Variants in OTUD7A observed in about 807,000 individuals in gnomAD.
The protein encoded by OTUD7A is OTU domain-containing protein 7A.
In OTUD7A, 12 loss-of-function variants were observed where a neutral mutation model predicts 65.7. The ratio of observed to expected loss-of-function variants is 0.18; its 90% confidence interval spans 0.12 to 0.30. The LOEUF (loss-of-function observed/expected upper bound fraction) is 0.30, where lower values mean the gene tolerates loss of function less well. Among genes scored for constraint, OTUD7A ranks in the 10% least tolerant of loss-of-function variants. OTUD7A has a pLI of 1.00. For missense variants in OTUD7A, 1,148 were observed against 1,304.8 expected (o/e 0.88, Z 1.85); for synonymous variants, 641 against 586.3 (o/e 1.09, Z -1.35).
chr15:31,562,283 A>G (rs1003489925), intron 4 of OTUD7A, among the ~76,000 whole-genome samples: 1 of 152,176 alleles, frequency 6.6e-6, no homozygotes, highest in Non-Finnish European at 1.5e-5. Flanking sequence ...TCCAGAATCT[A>G]CACTCCTGAC....
At chr15:31,828,595 T>A (rs545133406) in intron 1 of OTUD7A, among the ~76,000 whole-genome samples, 1 of 152,332 alleles carries the variant, frequency 6.6e-6, no homozygotes, top group Non-Finnish European at 1.5e-5. Context: ...GCCTTAGTCA[T>A]CTTTGAGATC....
At chr15:31,546,068 G>T (rs959521690) in intron 5 of OTUD7A, among the ~76,000 whole-genome samples, 1 of 152,156 alleles carries the variant, frequency 6.6e-6, no homozygotes, top group African/African-American at 2.4e-5. Context: ...ATCTAGAGAT[G>T]ATTTAAAATA....
chr15:31,767,238 C>T (rs1377353196), intron 1 of OTUD7A: 2 of 916,478 alleles, frequency 2.2e-6, no homozygotes, highest in East Asian at 4.8e-5. Flanking sequence ...ATGTATCCCA[C>T]TGGATCTATC....
At chr15:31,663,902 A>G (rs371605800) in intron 1 of OTUD7A, among the ~76,000 whole-genome samples, 4 of 152,052 alleles carry the variant, frequency 2.6e-5, no homozygotes, top group Admixed American at 6.6e-5. Flanking sequence ...TAGCTCCCAC[A>G]TATCAGTGAG....
At chr15:31,815,721 T>C (rs886086025) in intron 1 of OTUD7A, among the ~76,000 whole-genome samples, 9 of 152,232 alleles carry the variant, frequency 5.9e-5, no homozygotes, top group African/African-American at 2.2e-4. Context: ...CCACGGGCCA[T>C]CTTCCTACCC....
intron 5 of OTUD7A, among the ~76,000 whole-genome samples, chr15:31,552,111 C>G (rs1254519305): frequency 2.0e-5 from 3 of 152,134 alleles, no homozygotes; most frequent in Non-Finnish European, 4.4e-5. Flanking sequence ...TAAAAAGAGT[C>G]TGGCACCTCC....
At chr15:31,777,033 T>A (rs1396938775) in intron 1 of OTUD7A, among the ~76,000 whole-genome samples, 2 of 151,772 alleles carry the variant, frequency 1.3e-5, no homozygotes, top group Non-Finnish European at 2.9e-5. Context: ...CCTAGCTCAG[T>A]GCATTTGGAC....
At chr15:31,863,871 T>G (rs993583001) in intron 1 of OTUD7A, among the ~76,000 whole-genome samples, 1 of 152,234 alleles carries the variant, frequency 6.6e-6, no homozygotes, top group Non-Finnish European at 1.5e-5. Flanking sequence ...CTGCAAATTT[T>G]CTGAACTTTT....
At chr15:31,565,919 A>G (rs779462768) in intron 4 of OTUD7A, among the ~76,000 whole-genome samples, 6 of 152,206 alleles carry the variant, frequency 3.9e-5, no homozygotes, top group African/African-American at 7.2e-5. Flanking sequence ...CAGGCCGGGC[A>G]CGGTGGCTCA....
intron 4 of OTUD7A, among the ~76,000 whole-genome samples, chr15:31,562,262 G>A (rs559343665): frequency 3.3e-5 from 5 of 151,512 alleles, no homozygotes; most frequent in Admixed American, 1.3e-4. Flanking sequence ...TCTCCTATGC[G>A]GAGCAGCCAA....
chr15:31,525,235 AG>A (rs1002904501), intron 8 of OTUD7A, among the ~76,000 whole-genome samples: 5 of 152,212 alleles, frequency 3.3e-5, no homozygotes, highest in Non-Finnish European at 7.3e-5. Flanking sequence ...AGGCGTGCAG[AG>A]GAAGAGAGCA....
chr15:31,861,416 T>C (rs762106441), intron 1 of OTUD7A, among the ~76,000 whole-genome samples: 7 of 152,186 alleles, frequency 4.6e-5, no homozygotes, highest in Non-Finnish European at 7.4e-5. Flanking sequence ...ATCCACTCCT[T>C]TTCTAGGCCC....
intron 1 of OTUD7A, among the ~76,000 whole-genome samples, chr15:31,734,255 T>C (rs537684924): frequency 6.6e-5 from 10 of 151,976 alleles, no homozygotes; most frequent in Non-Finnish European, 1.3e-4. Flanking sequence ...AAATCAGAAG[T>C]GACACAAACA....
intron 3 of OTUD7A, among the ~76,000 whole-genome samples, chr15:31,570,751 C>T (rs946594410): frequency 6.6e-6 from 1 of 152,150 alleles, no homozygotes; most frequent in Non-Finnish European, 1.5e-5. Flanking sequence ...TGATGCCAGG[C>T]TGGGCAGGTG....
At chr15:31,581,872 G>A (rs536317377) in intron 3 of OTUD7A, among the ~76,000 whole-genome samples, 30 of 152,204 alleles carry the variant, frequency 2.0e-4, no homozygotes, top group Non-Finnish European at 3.8e-4. Flanking sequence ...TCTGCAGCTG[G>A]CTTGAGTTTC....
intron 3 of OTUD7A, among the ~76,000 whole-genome samples, chr15:31,638,378 C>CTTTTTTTTTTTTTTTTTTTTTT (rs34239466): frequency 7.4e-6 from 1 of 134,576 alleles, no homozygotes. Flanking sequence ...ATAAAGATAA[C>CTTTTTTTTTTTTTTTTTTTTTT]TTTTTTTTTT....
At chr15:31,568,610 T>C (rs1356974530) in intron 4 of OTUD7A, among the ~76,000 whole-genome samples, 5 of 152,138 alleles carry the variant, frequency 3.3e-5, no homozygotes, top group Admixed American at 2.6e-4. Context: ...CAGGAGTGGA[T>C]TGATATAGTT....
At position 31,503,931 on chromosome 15, in the gene OTUD7A, C is replaced by A. The variant is rs2041515082; in HGVS notation, c.894-113G>T. 16 of 1,303,594 alleles carry A rather than the reference C, an allele frequency of 1.2e-5. No individual in the cohort carries two copies. The South Asian group carries it at 2.1e-4, about 17-fold the overall frequency. 80.8% of individuals were successfully genotyped at this position (1,303,594 alleles called of 1,614,324 possible). ...CCCTCCCCACTCTGGATATTATCTT[C>A]ATGGACCCCGGCAGCTGCGCCATCC... On this transcript the variant is annotated intron_variant, in intron 8 of 12. Transcript: ENST00000307050.
Position 31,483,271 on chromosome 15 carries a change from C to A in OTUD7A, c.*23G>T. The A allele has an allele frequency of 6.5e-6, 7 of 1,080,918 alleles. No homozygotes were observed. The highest frequency in any genetic ancestry group is 7.8e-6 in the Non-Finnish European group (7 of 893,616). 67.0% of individuals were successfully genotyped at this position (1,080,918 alleles called of 1,614,324 possible). A position where few individuals can be genotyped will look rare whatever the true frequency, so the allele number is the denominator to read the frequency against. ...AGAAATCCTCGAAGGTAGAACCTCG[C>A]CGCCCGCGCCGCGCCGCGCCGCTCA... On this transcript the variant is annotated 3_prime_UTR_variant, in exon 13 of 13. Transcript: ENST00000307050.
Sources: allele counts gnomAD v4.1 joint callset (sites outside exome capture counted in the v4.1 genomes callset), GRCh38; gene constraint gnomAD v4.1.1; transcripts MANE v1.5; gene names NCBI Gene and HGNC (gene_info 2026-07-23, HGNC 2026-07-21).